The following ZNF737 variants were observed in gnomAD, a reference collection of about 807,000 sequenced individuals.
ZNF737 encodes zinc finger protein 737.
A neutral mutation model predicts 11.7 loss-of-function variants in ZNF737; 13 were observed. The ratio of observed to expected loss-of-function variants is 1.11; its 90% CI spans 0.73 to 1.77. The LOEUF (loss-of-function observed/expected upper bound fraction) is 1.77. Ranked by LOEUF, ZNF737 falls within the 40% of genes most tolerant of loss-of-function variation. The probability of loss-of-function intolerance (pLI) is 0.00; values close to 1 mark genes in which losing one functional copy is unlikely to be tolerated. For synonymous variants in ZNF737, 217 were observed against 216.2 expected, an observed-to-expected ratio of 1.00 and a Z score of -0.03; for missense variants, 636 against 638.0, an observed-to-expected ratio of 1.00 and a Z score of 0.03.
At chr19:20,556,974 C>A (rs1968912652) in intron 1 of ZNF737, among the ~76,000 whole-genome samples, 1 of 152,132 alleles carries the variant, frequency 6.6e-6, no homozygotes, top group South Asian at 2.1e-4. Flanking sequence ...TTTATTTCTT[C>A]TTCTGTTTCT....
rs1359719332 is a variant in ZNF737 at position 20,542,447 on chromosome 19, GTCTCGAAC to G, written c.*2137_*2144del. 1.8e-6 allele frequency: 1 copy of G among 557,560 alleles called. No individual in the cohort carries two copies. Among genetic ancestry groups the G allele is most frequent in the African/African-American group, 2.1e-5 (1 of 48,710 alleles). 34.5% of individuals were successfully genotyped at this position (557,560 alleles called of 1,614,324 possible). A position where few individuals can be genotyped will look rare whatever the true frequency, so the allele number is the denominator to read the frequency against. Reference sequence around the variant, plus strand: ...GGGTTTCTCCATGTTGGTCAGGCTGGTCTCGAACTCCTGACCTCAGGTGATCTGCCCAC... The same window carrying G: ...GGGTTTCTCCATGTTGGTCAGGCTGGTCCTGACCTCAGGTGATCTGCCCAC... On this transcript the variant is annotated 3_prime_UTR_variant, in exon 4 of 4. Coordinates refer to ENST00000427401, the MANE Select transcript of ZNF737 (RefSeq NM_001159293.2).
At chr19:20,547,915 C>G (rs564079238) in intron 3 of ZNF737, among the ~76,000 whole-genome samples, 2 of 152,218 alleles carry the variant, frequency 1.3e-5, no homozygotes, top group Non-Finnish European at 2.9e-5. Flanking sequence ...GTTTGGGAGG[C>G]TGAGGTGGGC....
intron 1 of ZNF737, among the ~76,000 whole-genome samples, chr19:20,557,580 A>T (rs1555761507): frequency 6.6e-6 from 1 of 150,636 alleles, no homozygotes; most frequent in East Asian, 1.9e-4. Flanking sequence ...ACATTCTAAT[A>T]CGCAATTTAA....
chr19:20,552,379 C>G, intron 3 of ZNF737, 96 bp downstream of exon 3: 1 of 820,228 alleles, frequency 1.2e-6, no homozygotes, highest in Non-Finnish European at 1.8e-6. Flanking sequence ...CTTTGGAGCA[C>G]AGCTTCCCAA....
chr19:20,565,371 G>A (rs1479502160), intron 1 of ZNF737, among the ~76,000 whole-genome samples: 1 of 151,976 alleles, frequency 6.6e-6, no homozygotes, highest in Non-Finnish European at 1.5e-5. Flanking sequence ...TGGGAGAGAC[G>A]GGAGGCTGCG....
the ZNF737 span, among the ~76,000 whole-genome samples, chr19:20,530,305 C>T: frequency 1.5e-4 from 19 of 124,910 alleles, 1 homozygote; most frequent in Middle Eastern, 0.013. Context: ...GCTGGCCGGG[C>T]GGGGGGCTGA....
downstream of ZNF737, among the ~76,000 whole-genome samples, chr19:20,531,626 C>G (rs1258565428): frequency 6.7e-6 from 1 of 149,472 alleles, no homozygotes; most frequent in African/African-American, 2.5e-5. Context: ...TGGCTAATTT[C>G]TTGTATTTTT....
intron 3 of ZNF737, among the ~76,000 whole-genome samples, chr19:20,551,722 CAAG>C (rs1291063063): frequency 4.7e-5 from 7 of 150,052 alleles, no homozygotes; most frequent in African/African-American, 1.7e-4. Context: ...AAAAATTAAC[CAAG>C]AAGGTAAGAA....
intron 3 of ZNF737, among the ~76,000 whole-genome samples, chr19:20,548,979 AAC>A (rs1491164145): frequency 5.1e-5 from 3 of 58,586 alleles, no homozygotes; most frequent in Non-Finnish European, 1.1e-4. Flanking sequence ...AAAAAAAAAA[AAC>A]AATTATGTAT....
In ZNF737 at chr19:20,552,471, C is replaced by G; in HGVS notation, c.226+4G>C. Reference sequence around the variant, plus strand: ...CTGCTATATTCATTTTCACTTGCACCTACCTGAGGGGTTGGCTACCATCTC... The same window carrying G: ...CTGCTATATTCATTTTCACTTGCACGTACCTGAGGGGTTGGCTACCATCTC... On this transcript the variant is annotated splice_donor_region_variant and intron_variant, in intron 3 of 3. Transcript: ENST00000427401. 1.3e-6 allele frequency: 2 copies of G among 1,573,466 alleles called. No individual in the cohort carries two copies. Among genetic ancestry groups the G allele is most frequent in the Non-Finnish European group, 1.7e-6 (2 of 1,165,100 alleles).
intron 3 of ZNF737, 87 bp downstream of exon 3, chr19:20,552,388 A>G (rs1555758718): frequency 5.4e-6 from 5 of 929,480 alleles, no homozygotes; most frequent in Non-Finnish European, 7.7e-6. Context: ...ACAGCTTCCC[A>G]AATCACACTT....
At chr19:20,548,962 G>GAAAAAAAAAAAAAAAA (rs3047010) in intron 3 of ZNF737, among the ~76,000 whole-genome samples, 23 of 86,440 alleles carry the variant, frequency 2.7e-4, no homozygotes, top group South Asian at 9.2e-4. Context: ...AAGAAAAACT[G>GAAAAAAAAAAAAAAAA]AAAAAAAAAA....
rs115371910 is a variant in ZNF737, at chr19:20,540,839, T to A, written c.*3753A>T. The A allele has an allele frequency of 3.6e-3, 3,386 of 929,096 alleles. 103 individuals are homozygous for A. The African/African-American group carries it at 0.058, about 16-fold the overall frequency. 57.6% of individuals were successfully genotyped at this position (929,096 alleles called of 1,614,324 possible). Reference sequence around the variant, plus strand: ...CAACTGGATATAATAATTAACTACTTTTTAGTTTTATTCATTACAAATAAC... The same window carrying A: ...CAACTGGATATAATAATTAACTACTATTTAGTTTTATTCATTACAAATAAC... On this transcript the variant is annotated 3_prime_UTR_variant, in exon 4 of 4. Coordinates refer to ENST00000427401, the MANE Select transcript of ZNF737 (RefSeq NM_001159293.2).
chr19:20,543,385 C>T lies in ZNF737; in HGVS notation c.*1207G>A. The T allele has an allele frequency of 1.0e-6, 1 of 986,524 alleles. No individual in the cohort carries two copies. The highest frequency in any genetic ancestry group is 1.1e-4 in the East Asian group (1 of 8,820). 61.1% of individuals were successfully genotyped at this position (986,524 alleles called of 1,614,324 possible). A position where few individuals can be genotyped will look rare whatever the true frequency, so the allele number is the denominator to read the frequency against. On this transcript the variant is annotated 3_prime_UTR_variant, in exon 4 of 4. Coordinates refer to ENST00000427401, the MANE Select transcript of ZNF737 (RefSeq NM_001159293.2). ...CTCCCTTTATATTTGTAATGCTTGT[C>T]TTCACAATAAATACTCTTCTTCACT... is the stretch of plus-strand genomic sequence containing the variant.
At chr19:20,564,422 G>A (rs113630737) in intron 1 of ZNF737, among the ~76,000 whole-genome samples, 1 of 152,098 alleles carries the variant, frequency 6.6e-6, no homozygotes, top group South Asian at 2.1e-4. Context: ...AAATGGAAGA[G>A]AGATTTTCCC....
At chr19:20,546,018 T>G in intron 3 of ZNF737, 42 bp from the exon 4 acceptor site, 4 of 1,520,834 alleles carry the variant, frequency 2.6e-6, no homozygotes, top group Non-Finnish European at 3.5e-6. Flanking sequence ...ATTGGTAGAC[T>G]CAGATAAATA....
chr19:20,541,293 A>C lies in ZNF737; in HGVS notation c.*3299T>G, dbSNP rs1968194841. 1.3e-5 allele frequency: 13 copies of C among 984,344 alleles called. No individual in the cohort carries two copies. The highest frequency in any genetic ancestry group is 1.4e-5 in the Non-Finnish European group (12 of 829,244). 61.0% of individuals were successfully genotyped at this position (984,344 alleles called of 1,614,324 possible). A position where few individuals can be genotyped will look rare whatever the true frequency, so the allele number is the denominator to read the frequency against. ...AACACTCAATTCATAATTTTCTTAC[A>C]CCTCAGGTTTATCTTCAGAGTAATA... On this transcript the variant is annotated 3_prime_UTR_variant, in exon 4 of 4. Transcript: ENST00000427401.
In ZNF737 at chr19:20,545,807, T is replaced by C. The variant is rs1555756899; in HGVS notation, c.396A>G (p.Gly132=). The C allele has an allele frequency of 6.2e-7, 1 of 1,613,398 alleles. No individual in the cohort carries two copies. The highest frequency in any genetic ancestry group is 1.1e-5 in the South Asian group (1 of 90,914). The part of the protein sequence containing the change: ...ECKVHKRGYN[G]LNQYLTTTQS... ...GAGTAGTTGTCAAATATTGGTTAAG[T>C]CCATTATAACCTCTTTTGTGCACCT... The change falls in exon 4 of 4, where the codon GGA becomes GGG. Residue 132 remains glycine, a synonymous_variant. Transcript: ENST00000427401.
At chr19:20,535,974 A>T, downstream of ZNF737, 1 of 663,256 alleles carries the variant, frequency 1.5e-6, no homozygotes, top group Non-Finnish European at 1.9e-6. Flanking sequence ...TTCAGGGGTT[A>T]TATTTTCTTT....
Sources: gnomAD v4.1 joint callset for allele counts (sites outside exome capture counted in the v4.1 genomes callset) on GRCh38, gnomAD v4.1.1 for gene constraint, MANE v1.5 for transcripts, NCBI Gene and HGNC (gene_info 2026-07-23, HGNC 2026-07-21) for gene names.